OTUD7A: variants seen among roughly 807,000 people sequenced by gnomAD.
OTUD7A encodes the protein OTU deubiquitinase 7A.
In OTUD7A, 12 loss-of-function variants were observed where a neutral mutation model predicts 65.7. The ratio of observed to expected loss-of-function variants is 0.18; its 90% CI spans 0.12 to 0.30. The LOEUF (loss-of-function observed/expected upper bound fraction) is 0.30. OTUD7A is among the 10% of genes least tolerant of loss of function. The pLI is 1.00. For synonymous variants in OTUD7A, 641 were observed against 586.3 expected, an observed-to-expected ratio of 1.09 and a Z score of -1.35; for missense variants, 1,148 against 1,304.8, an observed-to-expected ratio of 0.88 and a Z score of 1.85.
rs1028963219 is a variant in OTUD7A, at chr15:31,630,708, A to T, written c.151+24388T>A. Among the ~76,000 whole-genome samples, 815 of 152,090 alleles carry T rather than the reference A, an allele frequency of 5.4e-3. 4 individuals are homozygous for T. Among genetic ancestry groups the T allele is most frequent in the Non-Finnish European group, 8.5e-3 (575 of 67,988 alleles). ...GGGGTGTTAAAGTCTCCCATTATTA[A>T]TGTGTGGGAGTCTAAGTCTCTTTGT... On this transcript the variant is annotated intron_variant, in intron 3 of 12. Transcript: ENST00000307050.
chr15:31,555,813 G>A (rs1376860889), intron 5 of OTUD7A, among the ~76,000 whole-genome samples: 1 of 149,516 alleles, frequency 6.7e-6, no homozygotes, highest in African/African-American at 2.5e-5. Context: ...CTCTGAGGGA[G>A]CACACACACA....
chr15:31,600,367 A>G (rs917560048), intron 3 of OTUD7A, among the ~76,000 whole-genome samples: 1 of 152,244 alleles, frequency 6.6e-6, no homozygotes, highest in East Asian at 1.9e-4. Flanking sequence ...ACTAAGCTTC[A>G]TAAGTGAAGG....
At chr15:31,759,768 T>G (rs1484336931) in intron 1 of OTUD7A, among the ~76,000 whole-genome samples, 3 of 152,140 alleles carry the variant, frequency 2.0e-5, no homozygotes, top group Non-Finnish European at 4.4e-5. Flanking sequence ...CCTCAAGTGA[T>G]CCTGCTGCCT....
At chr15:31,659,673 A>G (rs1255458398) in intron 1 of OTUD7A, among the ~76,000 whole-genome samples, 2 of 152,194 alleles carry the variant, frequency 1.3e-5, no homozygotes, top group Non-Finnish European at 2.9e-5. Context: ...GCTGCCTGGG[A>G]GGCAGGTGGT....
At chr15:31,601,833 C>T (rs1036433016) in intron 3 of OTUD7A, among the ~76,000 whole-genome samples, 4 of 152,148 alleles carry the variant, frequency 2.6e-5, no homozygotes, top group African/African-American at 9.6e-5. Flanking sequence ...CACTCCTATG[C>T]AAATAAAGTA....
At chr15:31,787,420 T>C (rs1349536852) in intron 1 of OTUD7A, 1 of 152,108 alleles carries the variant, frequency 6.6e-6, no homozygotes, top group East Asian at 1.9e-4. Context: ...AAAATATACA[T>C]CTCCTACTCT....
intron 1 of OTUD7A, chr15:31,767,235 C>A: frequency 1.1e-6 from 1 of 932,156 alleles, no homozygotes; most frequent in Non-Finnish European, 1.7e-6. Context: ...TTTATGTATC[C>A]CACTGGATCT....
At chr15:31,668,910 T>C (rs1180272065) in intron 1 of OTUD7A, among the ~76,000 whole-genome samples, 2 of 152,208 alleles carry the variant, frequency 1.3e-5, no homozygotes, top group Admixed American at 6.5e-5. Flanking sequence ...CTGCAGCGAC[T>C]GCTGTCTCTC....
At position 31,770,916 on chromosome 15, in the gene OTUD7A, A is replaced by G. The variant is rs1197151888; in HGVS notation, c.-100+99591T>C. 3.9e-5 allele frequency among the ~76,000 whole-genome samples: 6 copies of G among 152,206 alleles called. No homozygotes were observed. In the East Asian group the frequency reaches 5.8e-4, roughly 15 times the overall value. Reference sequence around the variant, plus strand: ...ATAAAAGGACTCCCGCAACCTGACAAAGGGCATCTTTGAAAACACACAGCC... The same window carrying G: ...ATAAAAGGACTCCCGCAACCTGACAGAGGGCATCTTTGAAAACACACAGCC... On this transcript the variant is annotated intron_variant, in intron 1 of 12. Transcript: ENST00000307050.
intron 1 of OTUD7A, among the ~76,000 whole-genome samples, chr15:31,721,591 G>T (rs1893742327): frequency 6.6e-6 from 1 of 152,024 alleles, no homozygotes; most frequent in African/African-American, 2.4e-5. Context: ...AAGTAAAAAA[G>T]ACAAAGCCCT....
At chr15:31,492,082 G>A (rs1178837789) in intron 10 of OTUD7A, among the ~76,000 whole-genome samples, 1 of 152,182 alleles carries the variant, frequency 6.6e-6, no homozygotes, top group African/African-American at 2.4e-5. Context: ...ATAAATGGAT[G>A]TGAAAATTCA....
chr15:31,553,006 AAGG>A (rs554927749), intron 5 of OTUD7A, among the ~76,000 whole-genome samples: 10 of 152,156 alleles, frequency 6.6e-5, no homozygotes, highest in Non-Finnish European at 1.5e-4. Context: ...TGAGAGCTAT[AAGG>A]AGAAGGGGAA....
At chr15:31,700,041 C>G (rs1487488555) in intron 1 of OTUD7A, among the ~76,000 whole-genome samples, 3 of 151,406 alleles carry the variant, frequency 2.0e-5, no homozygotes, top group Non-Finnish European at 4.4e-5. Flanking sequence ...CTGACTGAAA[C>G]CACAGCCACA....
In OTUD7A at chr15:31,619,915, G is replaced by A. The variant is rs888016353; in HGVS notation, c.151+35181C>T. The stretch of plus-strand genomic sequence containing the variant: ...ATTGGCTGTGGGTCTGTAATAGATA[G>A]CTCTTATTATTTCGAGATATGTCCC... On this transcript the variant is annotated intron_variant, in intron 3 of 12. Transcript: ENST00000307050. 3.8e-4 allele frequency among the ~76,000 whole-genome samples: 58 copies of A among 152,256 alleles called. 1 individual carries two copies. Among genetic ancestry groups the A allele is most frequent in the African/African-American group, 1.3e-3 (55 of 41,550 alleles).
At chr15:31,819,869 T>C (rs913752629) in intron 1 of OTUD7A, among the ~76,000 whole-genome samples, 6 of 152,118 alleles carry the variant, frequency 3.9e-5, no homozygotes, top group Admixed American at 6.6e-5. Context: ...TATGTAATTA[T>C]CAAAATTATA....
At chr15:31,765,441 A>G (rs1189271203) in intron 1 of OTUD7A, among the ~76,000 whole-genome samples, 1 of 152,222 alleles carries the variant, frequency 6.6e-6, no homozygotes, top group Non-Finnish European at 1.5e-5. Flanking sequence ...ACAGAATTAC[A>G]GTTTAATCCC....
rs774715797 is a variant in OTUD7A, at chr15:31,487,172, G to C, written c.1371+22C>G. 6 of 1,609,084 alleles carry C rather than the reference G, an allele frequency of 3.7e-6. No individual in the cohort carries two copies. In the South Asian group the frequency reaches 6.6e-5, roughly 18 times the overall value. On this transcript the variant is annotated intron_variant, in intron 12 of 12. Coordinates refer to ENST00000307050, the MANE Select transcript of OTUD7A (RefSeq NM_001382637.1). This position sits in a 1 kb window ranked among gnomAD's most constrained non-coding sequence, Gnocchi z 6.0. ...AGCCTGGACCCTGCTGCCAGGTCTG[G>C]TCCCAGCACAGCCAGGCTCACCCGT... is the stretch of plus-strand genomic sequence containing the variant.
At chr15:31,615,379 GAA>G (rs778172788) in intron 3 of OTUD7A, among the ~76,000 whole-genome samples, 26 of 152,196 alleles carry the variant, frequency 1.7e-4, no homozygotes, top group Admixed American at 5.9e-4. Context: ...AGTAATGACA[GAA>G]AAAAGTTTAT....
chr15:31,637,292 C>A (rs1011067727), intron 3 of OTUD7A, among the ~76,000 whole-genome samples: 2 of 152,176 alleles, frequency 1.3e-5, no homozygotes, highest in South Asian at 4.1e-4. Context: ...ATCTACTCTT[C>A]CTGTGCTCTA....
Sources: allele counts gnomAD v4.1 joint callset (sites outside exome capture counted in the v4.1 genomes callset), GRCh38; gene constraint gnomAD v4.1.1; non-coding constraint Gnocchi (gnomAD v3.1); transcripts MANE v1.5; gene names NCBI Gene and HGNC (gene_info 2026-07-23, HGNC 2026-07-21).